Variants in UMODL1 observed in about 807,000 individuals in gnomAD.
UMODL1 encodes the protein uromodulin-like 1.
A neutral mutation model predicts 136.3 loss-of-function variants in UMODL1; 128 were observed. The observed-to-expected ratio is 0.94, with a 90% confidence interval of 0.81 to 1.09. The LOEUF is 1.09. Among genes scored for constraint, UMODL1 ranks in the 50% least tolerant of loss-of-function variants. UMODL1 has a pLI of 0.00. For synonymous variants in UMODL1, 721 were observed against 720.0 expected (o/e 1.00, Z -0.02); for missense variants, 1,766 against 1,725.6 (o/e 1.02, Z -0.41).
intron 2 of UMODL1, among the ~76,000 whole-genome samples, chr21:42,082,428 C>A (rs564711406): frequency 1.7e-4 from 26 of 152,318 alleles, no homozygotes; most frequent in African/African-American, 6.0e-4. Context: ...TCTGAGAGGT[C>A]TTGAGCTGTG....
At chr21:42,108,750 G>A (rs1016782476) in intron 9 of UMODL1, among the ~76,000 whole-genome samples, 2 of 148,132 alleles carry the variant, frequency 1.4e-5, no homozygotes, top group Admixed American at 6.8e-5. Context: ...CCCCTCAGGC[G>A]GGCCCCCCGG....
At chr21:42,119,652 C>G (rs2066944504) in intron 15 of UMODL1, among the ~76,000 whole-genome samples, 1 of 152,124 alleles carries the variant, frequency 6.6e-6, no homozygotes, top group East Asian at 1.9e-4. Context: ...CAGACTCTCC[C>G]CCAAGCATAG....
intron 10 of UMODL1, among the ~76,000 whole-genome samples, chr21:42,110,460 T>A (rs1202674477): frequency 6.6e-6 from 1 of 152,218 alleles, no homozygotes; most frequent in Non-Finnish European, 1.5e-5. Flanking sequence ...TCTGTTTTTC[T>A]CATTCGCCTA....
chr21:42,081,281 T>G (rs1300242882), intron 2 of UMODL1, among the ~76,000 whole-genome samples: 2 of 152,182 alleles, frequency 1.3e-5, no homozygotes, highest in African/African-American at 4.8e-5. Flanking sequence ...CAGGAGCGAC[T>G]CCTCCTCAGC....
chr21:42,102,231 C>T lies in UMODL1; in HGVS notation c.1252C>T (p.Arg418Cys), dbSNP rs376085533. 6.6e-5 allele frequency: 107 copies of T among 1,613,788 alleles called. No homozygotes were observed. The highest frequency in any genetic ancestry group is 3.5e-4 in the South Asian group (32 of 91,042). Residue 418 changes from arginine (R) to cysteine (C), a missense_variant, in exon 8 of 23, where the codon CGC becomes TGC. By Grantham distance (180) the Arg-to-Cys change is radical. Coordinates refer to ENST00000408910, the MANE Select transcript of UMODL1 (RefSeq NM_001004416.3). ...NHNLTEKLLN[R>C]SSVEYQDFSR... ...CAACCTGACGGAGAAGTTACTCAAC[C>T]GCAGCAGTGTGGAGTACCAGGACTT...
In UMODL1 at chr21:42,105,441, G is replaced by A. The variant is rs2066701744; in HGVS notation, c.1519+1354G>A. ...TGCCAAATGAGAACCTCGGCAGCAG[G>A]GATGTCGTGGGTAGAATGGTGGCCC... is the stretch of plus-strand genomic sequence containing the variant. On this transcript the variant is annotated intron_variant, in intron 9 of 22. Transcript: ENST00000408910. Among the ~76,000 whole-genome samples the A allele has an allele frequency of 3.3e-5, 5 of 152,328 alleles. No individual in the cohort carries two copies. The South Asian group carries it at 1.0e-3, about 32-fold the overall frequency.
At position 42,085,410 on chromosome 21, in the gene UMODL1, T is replaced by C; in HGVS notation, c.601T>C (p.Leu201=). 1.2e-6 allele frequency: 2 copies of C among 1,613,812 alleles called. No individual in the cohort carries two copies. Among genetic ancestry groups the C allele is most frequent in the Non-Finnish European group, 8.5e-7 (1 of 1,179,896 alleles). The part of the protein sequence containing the change: ...LLNHMRLLHS[L]VTSALQPMAS... ...GAACCACATGCGCCTTCTGCATTCC[T>C]TGGTAGGTGAGACAGACGGGGGCTG... The change falls in exon 4 of 23, where the codon TTG becomes CTG. Residue 201 remains leucine (L), a splice_region_variant and synonymous_variant. Coordinates refer to ENST00000408910, the MANE Select transcript of UMODL1 (RefSeq NM_001004416.3). The surrounding 1 kb of genome is among the most constrained non-coding windows in gnomAD (Gnocchi z 4.5).
chr21:42,083,387 C>A (rs1268246972), intron 2 of UMODL1, among the ~76,000 whole-genome samples: 1 of 152,202 alleles, frequency 6.6e-6, no homozygotes, highest in African/African-American at 2.4e-5. Flanking sequence ...CCTGTGGACG[C>A]CCCCACCTGA....
At chr21:42,071,697 G>GAGA (rs2066233889) in intron 1 of UMODL1, among the ~76,000 whole-genome samples, 1 of 152,006 alleles carries the variant, frequency 6.6e-6, no homozygotes, top group Non-Finnish European at 1.5e-5. Context: ...GGGGTGCAGG[G>GAGA]CCTGGAACTC....
chr21:42,098,850 G>T (rs1170441584), intron 6 of UMODL1, 76 bp from the exon 7 acceptor site: 3 of 1,567,280 alleles, frequency 1.9e-6, no homozygotes, highest in Non-Finnish European at 2.6e-6. Flanking sequence ...TTGAGATGAG[G>T]CTCTGTTACC....
At chr21:42,113,027 G>A (rs1311932957) in intron 12 of UMODL1, 1 of 152,874 alleles carries the variant, frequency 6.5e-6, no homozygotes, top group Admixed American at 6.5e-5. Context: ...CCTGCCTCTG[G>A]ATTTCATCCA....
At chr21:42,098,736 C>T (rs544975087) in intron 6 of UMODL1, among the ~76,000 whole-genome samples, 190 bp from the exon 7 acceptor site, 1 of 152,314 alleles carries the variant, frequency 6.6e-6, no homozygotes, top group South Asian at 2.1e-4. Flanking sequence ...CACTGCACTC[C>T]AGCCTGGGTG....
At chr21:42,106,581 G>A (rs967695609) in intron 9 of UMODL1, among the ~76,000 whole-genome samples, 9 of 152,254 alleles carry the variant, frequency 5.9e-5, no homozygotes, top group Non-Finnish European at 1.2e-4. Flanking sequence ...GGTTTCCTGC[G>A]CCAGTCACGG....
chr21:42,122,833 G>T lies in UMODL1; in HGVS notation c.2830G>T (p.Asp944Tyr). Residue 944 changes from aspartate to tyrosine, a missense_variant and splice_region_variant, in exon 17 of 23, where the codon GAC (aspartate) becomes TAC (tyrosine). Physicochemically the swap from Asp to Tyr is radical, Grantham distance 160. Transcript: ENST00000408910. The surrounding 1 kb of genome is among the most constrained non-coding windows in gnomAD (Gnocchi z 4.3). ...VEYSERPCEGDSPGNETWATS... is the reference protein window; with the variant it reads ...VEYSERPCEGYSPGNETWATS... ...CTTTTCCTCCTTGTGCCTTGCAGGT[G>T]ACTCTCCTGGCAATGAAACCTGGGC... 1 of 1,592,578 alleles carries T rather than the reference G, an allele frequency of 6.3e-7. No homozygotes were observed.
At chr21:42,067,180 G>T (rs558121812), upstream of UMODL1, among the ~76,000 whole-genome samples, 9 of 151,922 alleles carry the variant, frequency 5.9e-5, no homozygotes. Context: ...CACCATCTTG[G>T]CCAGGCTGGT....
At chr21:42,115,231 C>T (rs889901330) in intron 13 of UMODL1, among the ~76,000 whole-genome samples, 12 of 152,164 alleles carry the variant, frequency 7.9e-5, no homozygotes, top group Non-Finnish European at 1.2e-4. Flanking sequence ...CATGCCAGGG[C>T]CAGGATGGGA....
chr21:42,093,649 C>T, intron 6 of UMODL1: 1 of 286,480 alleles, frequency 3.5e-6, no homozygotes, highest in South Asian at 3.2e-5. Context: ...GAACGTTCCC[C>T]TCCTATCAGA....
In UMODL1 at chr21:42,103,940, C is replaced by T; in HGVS notation, c.1372C>T (p.Leu458Phe). 4 of 1,614,170 alleles carry T rather than the reference C, an allele frequency of 2.5e-6. No homozygotes were observed. The highest frequency in any genetic ancestry group is 1.1e-5 in the South Asian group (1 of 91,082). Residue 458 changes from leucine (L) to phenylalanine (F), a missense_variant, in exon 9 of 23, where the codon CTC becomes TTC. Leu to Phe is a conservative substitution (Grantham distance 22). Transcript: ENST00000408910. ...GAAGCTGAGAATGCAGATCGTGTCT[C>T]TCCAGGCGGGAAGTGTGGTCGTGAG... is the stretch of plus-strand genomic sequence containing the variant. ...SGKLRMQIVS[L>F]QAGSVVVRLK...
intron 1 of UMODL1, among the ~76,000 whole-genome samples, chr21:42,064,616 G>C (rs945841249): frequency 6.6e-6 from 1 of 152,190 alleles, no homozygotes; most frequent in Admixed American, 6.5e-5. Context: ...GAGTGCAAAG[G>C]TGTGATCTCG....
Sources: allele counts gnomAD v4.1 joint callset (sites outside exome capture counted in the v4.1 genomes callset), GRCh38; gene constraint gnomAD v4.1.1; non-coding constraint Gnocchi (gnomAD v3.1); transcripts MANE v1.5; gene names NCBI Gene and HGNC (gene_info 2026-07-23, HGNC 2026-07-21).